MMRN1: variants seen among roughly 807,000 people sequenced by gnomAD.
MMRN1 encodes the protein multimerin-1.
In MMRN1, 94 loss-of-function variants were observed where a neutral mutation model predicts 100.7. That is an observed-to-expected ratio of 0.93 (90% confidence interval 0.79 to 1.11). The LOEUF (loss-of-function observed/expected upper bound fraction) is 1.11. Among genes scored for constraint, MMRN1 ranks in the 50% least tolerant of loss-of-function variants. The pLI is 0.00. For missense variants in MMRN1, 1,606 were observed against 1,439.1 expected (o/e 1.12, Z -1.88); for synonymous variants, 575 against 505.0 (o/e 1.14, Z -1.86).
chr4:89,930,107 A>G (rs1722390288), intron 5 of MMRN1, among the ~76,000 whole-genome samples: 1 of 152,172 alleles, frequency 6.6e-6, no homozygotes, highest in Middle Eastern at 3.2e-3. Flanking sequence ...AACAGAAACA[A>G]ACAGAATTAA....
intron 1 of MMRN1, among the ~76,000 whole-genome samples, chr4:89,907,963 T>G (rs1721623616): frequency 6.6e-6 from 1 of 151,366 alleles, no homozygotes; most frequent in South Asian, 2.1e-4. Context: ...TGGATTTTGT[T>G]GTTTGCAAGC....
intron 3 of MMRN1, among the ~76,000 whole-genome samples, chr4:89,917,101 T>TTG (rs936611446): frequency 2.7e-5 from 4 of 150,342 alleles, no homozygotes; most frequent in Admixed American, 6.7e-5. Context: ...GTGTGTGTGT[T>TTG]TGTGTGTGTG....
chr4:89,883,050 A>G (rs1715347356), intron 1 of MMRN1, among the ~76,000 whole-genome samples: 1 of 151,998 alleles, frequency 6.6e-6, no homozygotes, highest in East Asian at 1.9e-4. Context: ...CTCAGTAATC[A>G]TATTGATTTT....
intron 1 of MMRN1, among the ~76,000 whole-genome samples, chr4:89,885,444 T>C (rs1027253839): frequency 6.6e-6 from 1 of 152,100 alleles, no homozygotes; most frequent in Admixed American, 6.5e-5. Flanking sequence ...ATAAATGAGA[T>C]TAGGATGTGG....
At chr4:89,911,734 C>G (rs909797491) in intron 2 of MMRN1, among the ~76,000 whole-genome samples, 2 of 151,232 alleles carry the variant, frequency 1.3e-5, no homozygotes, top group African/African-American at 4.8e-5. Flanking sequence ...ATACCAAATA[C>G]CATAACTAGT....
chr4:89,894,916 C>A lies in MMRN1; in HGVS notation c.-56C>A. 6.4e-7 allele frequency: 1 copy of A among 1,553,034 alleles called. No homozygotes were observed. Among genetic ancestry groups the A allele is most frequent in the East Asian group, 2.3e-5 (1 of 44,306 alleles). On this transcript the variant is annotated 5_prime_UTR_variant, in exon 1 of 8. Coordinates refer to ENST00000264790, the MANE Select transcript of MMRN1 (RefSeq NM_007351.3). ...AGTGTGGAAGCAGCTATCAAAAAGG[C>A]CATAAGGATTTTGTCCCCAAATTTC... is the stretch of plus-strand genomic sequence containing the variant.
chr4:89,898,629 C>T (rs1436364745), intron 1 of MMRN1, among the ~76,000 whole-genome samples: 1 of 151,700 alleles, frequency 6.6e-6, no homozygotes, highest in Non-Finnish European at 1.5e-5. Flanking sequence ...CATCTTCCGC[C>T]ACTTCCGGCT....
At chr4:89,909,964 T>C (rs1721695871) in intron 2 of MMRN1, among the ~76,000 whole-genome samples, 1 of 151,422 alleles carries the variant, frequency 6.6e-6, no homozygotes, top group South Asian at 2.1e-4. Context: ...GGCTGAGTAA[T>C]TGATAAATTA....
chr4:89,889,513 T>C (rs1721004162), intron 1 of MMRN1, among the ~76,000 whole-genome samples: 1 of 152,088 alleles, frequency 6.6e-6, no homozygotes, highest in Non-Finnish European at 1.5e-5. Context: ...CACAGAATTA[T>C]TCGAACAAGC....
intron 4 of MMRN1, among the ~76,000 whole-genome samples, chr4:89,927,093 G>C (rs1722285956): frequency 6.6e-6 from 1 of 151,384 alleles, no homozygotes; most frequent in Non-Finnish European, 1.5e-5. Context: ...TGTTCTTTTT[G>C]CTTAGGTAAG....
intron 1 of MMRN1, among the ~76,000 whole-genome samples, chr4:89,895,891 T>A (rs1316892989): frequency 6.6e-6 from 1 of 152,202 alleles, no homozygotes; most frequent in Non-Finnish European, 1.5e-5. Context: ...CCACGGTGGC[T>A]GTTAGTTTAA....
intron 3 of MMRN1, among the ~76,000 whole-genome samples, chr4:89,919,066 T>C (rs1449869786): frequency 6.6e-6 from 1 of 151,670 alleles, no homozygotes; most frequent in Non-Finnish European, 1.5e-5. Context: ...CAAAAAGCAG[T>C]ATCATAAAAC....
At chr4:89,890,543 G>A (rs1018731845), upstream of MMRN1, among the ~76,000 whole-genome samples, 1 of 151,948 alleles carries the variant, frequency 6.6e-6, no homozygotes, top group Non-Finnish European at 1.5e-5. Context: ...CATATTTTCA[G>A]ATGTACTTAG....
rs1176516618 is a variant in MMRN1, at chr4:89,935,589, G to A, written c.1909G>A (p.Glu637Lys). The part of the protein sequence containing the change: ...PMDNKMDKMS[E>K]QLNDLTYDME... ...GGACAATAAGATGGACAAAATGAGT[G>A]AGCAACTAAATGATTTGACTTATGA... Residue 637 changes from glutamate (E) to lysine (K), a missense_variant, in exon 6 of 8, where the codon GAG becomes AAG. By Grantham distance (56) the Glu-to-Lys change is moderately conservative. Transcript: ENST00000264790. The A allele has an allele frequency of 6.2e-7, 1 of 1,613,520 alleles. No homozygotes were observed. The highest frequency in any genetic ancestry group is 8.5e-7 in the Non-Finnish European group (1 of 1,179,740).
chr4:89,926,793 T>C (rs1021701890), intron 4 of MMRN1, among the ~76,000 whole-genome samples: 1 of 152,154 alleles, frequency 6.6e-6, no homozygotes, highest in African/African-American at 2.4e-5. Context: ...AATCCTTTTT[T>C]ATTTGATTTT....
At chr4:89,933,158 A>G (rs1018136252) in intron 5 of MMRN1, among the ~76,000 whole-genome samples, 1 of 152,096 alleles carries the variant, frequency 6.6e-6, no homozygotes, top group Non-Finnish European at 1.5e-5. Context: ...AGTTCCACAG[A>G]TCTCTAGGGC....
chr4:89,927,076 C>T (rs1722285521), intron 4 of MMRN1, among the ~76,000 whole-genome samples: 1 of 151,312 alleles, frequency 6.6e-6, no homozygotes, highest in South Asian at 2.1e-4. Context: ...CCAGTTGTTC[C>T]TTCAGTTGTT....
intron 1 of MMRN1, among the ~76,000 whole-genome samples, chr4:89,885,446 A>G (rs1720915432): frequency 6.6e-6 from 1 of 152,070 alleles, no homozygotes; most frequent in Admixed American, 6.6e-5. Context: ...AAATGAGATT[A>G]GGATGTGGTA....
intron 1 of MMRN1, among the ~76,000 whole-genome samples, chr4:89,902,635 T>C (rs1721430112): frequency 6.6e-6 from 1 of 151,922 alleles, no homozygotes; most frequent in African/African-American, 2.4e-5. Flanking sequence ...TCATCTATCA[T>C]TGAAAACTCA....
Sources: allele counts gnomAD v4.1 joint callset (sites outside exome capture counted in the v4.1 genomes callset), GRCh38; gene constraint gnomAD v4.1.1; transcripts MANE v1.5; gene names NCBI Gene and HGNC (gene_info 2026-07-23, HGNC 2026-07-21).